B3GAT2: variants seen among roughly 807,000 people sequenced by gnomAD.
B3GAT2 encodes galactosylgalactosylxylosylprotein 3-beta-glucuronosyltransferase 2.
In B3GAT2, 26 loss-of-function variants were observed where a neutral mutation model predicts 27.8. The ratio of observed to expected loss-of-function variants is 0.93; its 90% CI spans 0.68 to 1.30. The LOEUF is 1.30. Ranked by LOEUF, B3GAT2 falls within the 50% of genes most tolerant of loss-of-function variation. The pLI, the probability that B3GAT2 is intolerant of heterozygous loss-of-function variation, is 0.00. For missense variants in B3GAT2, 458 were observed against 459.0 expected (o/e 1.00, Z 0.02); for synonymous variants, 218 against 195.1 (o/e 1.12, Z -0.98).
At chr6:70,910,215 T>C (rs1304634602) in intron 1 of B3GAT2, among the ~76,000 whole-genome samples, 1 of 152,162 alleles carries the variant, frequency 6.6e-6, no homozygotes. Flanking sequence ...CAGGGGTCCA[T>C]GTGCAGGTTT....
intron 2 of B3GAT2, among the ~76,000 whole-genome samples, chr6:70,890,731 G>A (rs1180918145): frequency 6.6e-6 from 1 of 152,160 alleles, no homozygotes; most frequent in African/African-American, 2.4e-5. Flanking sequence ...CCTCTAACCT[G>A]TGGGGTCTGC....
At chr6:70,884,381 T>C (rs968846643) in intron 2 of B3GAT2, among the ~76,000 whole-genome samples, 1 of 152,174 alleles carries the variant, frequency 6.6e-6, no homozygotes, top group Admixed American at 6.5e-5. Flanking sequence ...TGATAATCCT[T>C]ACACTAGAAA....
chr6:70,956,640 G>C lies in B3GAT2; in HGVS notation c.-211C>G, dbSNP rs1562241127. ...GTTCGCGCAAGCTAGAGCGACAAGG[G>C]GTGCAGGCGGGCGGGCAGGGGCTGC... is the stretch of plus-strand genomic sequence containing the variant. On this transcript the variant is annotated 5_prime_UTR_variant, in exon 1 of 4. Transcript: ENST00000230053. The C allele has an allele frequency of 7.1e-7, 1 of 1,414,308 alleles. No individual in the cohort carries two copies. Among genetic ancestry groups the C allele is most frequent in the East Asian group, 2.7e-5 (1 of 37,028 alleles). 87.6% of individuals were successfully genotyped at this position (1,414,308 alleles called of 1,614,324 possible).
At position 70,858,066 on chromosome 6, in the gene B3GAT2, G is replaced by A. The variant is rs568782012; in HGVS notation, c.*3597C>T. 1.2e-6 allele frequency: 2 copies of A among 1,614,052 alleles called. No individual in the cohort carries two copies. Among genetic ancestry groups the A allele is most frequent in the African/African-American group, 2.7e-5 (2 of 75,024 alleles). On this transcript the variant is annotated 3_prime_UTR_variant, in exon 4 of 4. Coordinates refer to ENST00000230053, the MANE Select transcript of B3GAT2 (RefSeq NM_080742.3). ...GGACAGAGTCCAAGCATGATGGTGG[G>A]CATGCCCATGCCCAATGGGTTTATG... is the stretch of plus-strand genomic sequence containing the variant.
At position 70,859,533 on chromosome 6, in the gene B3GAT2, T is replaced by TCTAA. The variant is rs768662895; in HGVS notation, c.*2126_*2129dup. 1.5e-4 allele frequency: 99 copies of TCTAA among 645,882 alleles called. No homozygotes were observed. Among genetic ancestry groups the TCTAA allele is most frequent in the Non-Finnish European group, 1.7e-4 (67 of 393,852 alleles). 40.0% of individuals were successfully genotyped at this position (645,882 alleles called of 1,614,324 possible). ...CAAATGTATTAAATTAAGAACACAG[T>TCTAA]CTAACTCTGAGTGTAAGTTTTAAAC... On this transcript the variant is annotated 3_prime_UTR_variant, in exon 4 of 4. Coordinates refer to ENST00000230053, the MANE Select transcript of B3GAT2 (RefSeq NM_080742.3).
At chr6:70,937,665 C>T (rs572362443) in intron 1 of B3GAT2, among the ~76,000 whole-genome samples, 160 of 151,766 alleles carry the variant, frequency 1.1e-3, no homozygotes, top group Non-Finnish European at 1.2e-3. Flanking sequence ...ATGATTATCT[C>T]AATAGATGCA....
chr6:70,892,800 T>C (rs955296518), intron 2 of B3GAT2, among the ~76,000 whole-genome samples: 1 of 152,200 alleles, frequency 6.6e-6, no homozygotes. Flanking sequence ...CTATGCCCCA[T>C]GTTTTCAGGG....
chr6:70,893,586 TAA>T (rs899269726), intron 2 of B3GAT2, among the ~76,000 whole-genome samples: 1 of 152,138 alleles, frequency 6.6e-6, no homozygotes, highest in African/African-American at 2.4e-5. Context: ...ATAAAAACTT[TAA>T]GACAGTTATA....
At chr6:70,886,297 A>C (rs923274262) in intron 2 of B3GAT2, among the ~76,000 whole-genome samples, 1 of 152,176 alleles carries the variant, frequency 6.6e-6, no homozygotes, top group African/African-American at 2.4e-5. Flanking sequence ...GGGATAATAA[A>C]ACTAGCATAT....
In B3GAT2 at chr6:70,859,367, C is replaced by T. The variant is rs953080074; in HGVS notation, c.*2296G>A. 2.1e-5 allele frequency: 33 copies of T among 1,549,494 alleles called. No individual in the cohort carries two copies. The highest frequency in any genetic ancestry group is 2.9e-5 in the Non-Finnish European group (33 of 1,146,488). On this transcript the variant is annotated 3_prime_UTR_variant, in exon 4 of 4. Coordinates refer to ENST00000230053, the MANE Select transcript of B3GAT2 (RefSeq NM_080742.3). Reference sequence around the variant, plus strand: ...GTGATGCTGTTCTCCAGCACTCCATCAGTGCAATCTACTGGCCAATGACAA... The same window carrying T: ...GTGATGCTGTTCTCCAGCACTCCATTAGTGCAATCTACTGGCCAATGACAA...
In B3GAT2 at chr6:70,956,789, C is replaced by A; in HGVS notation, c.-360G>T. 1.8e-6 allele frequency: 2 copies of A among 1,103,690 alleles called. No individual in the cohort carries two copies. Among genetic ancestry groups the A allele is most frequent in the Non-Finnish European group, 2.2e-6 (2 of 905,376 alleles). The allele number at this position is 1,103,690 out of a possible 1,614,324, so 68.4% of individuals were successfully genotyped here. On this transcript the variant is annotated 5_prime_UTR_variant, in exon 1 of 4. Transcript: ENST00000230053. The stretch of plus-strand genomic sequence containing the variant: ...CCGCGCTCTTTCTGAAGAGTGGAAG[C>A]CGAGAAGCGGCACCCGGTGCGCCTC...
rs989368206 is a variant in B3GAT2, at chr6:70,935,129, G to GA, written c.591+20709dup. ...AAAATTCTGAGGAGGAATGAAGATA[G>GA]AAAAAAAAAAGAGCAATATAAAATA... is the stretch of plus-strand genomic sequence containing the variant. On this transcript the variant is annotated intron_variant, in intron 1 of 3. Coordinates refer to ENST00000230053, the MANE Select transcript of B3GAT2 (RefSeq NM_080742.3). Among the ~76,000 whole-genome samples the GA allele has an allele frequency of 3.4e-3, 497 of 147,170 alleles. 6 individuals are homozygous for GA. The highest frequency in any genetic ancestry group is 0.014 in the Admixed American group (205 of 14,714).
At position 70,858,108 on chromosome 6, in the gene B3GAT2, G is replaced by A; in HGVS notation, c.*3555C>T. On this transcript the variant is annotated 3_prime_UTR_variant, in exon 4 of 4. Transcript: ENST00000230053. ...GGGTTTATGGGAAATGCACAAACTGGTGTGATGCCACTTCCTCAGAACGTT... is the reference window on the plus strand; with the variant it reads ...GGGTTTATGGGAAATGCACAAACTGATGTGATGCCACTTCCTCAGAACGTT... The A allele has an allele frequency of 2.5e-6, 4 of 1,614,050 alleles. No homozygotes were observed. The highest frequency in any genetic ancestry group is 1.7e-6 in the Non-Finnish European group (2 of 1,179,994).
rs575008239 is a variant in B3GAT2 at position 70,861,991 on chromosome 6, TAAAA to T, written c.737-17_737-14del. On this transcript the variant is annotated splice_polypyrimidine_tract_variant and intron_variant, in intron 2 of 3. Coordinates refer to ENST00000230053, the MANE Select transcript of B3GAT2 (RefSeq NM_080742.3). ...CTTACAGCAAATCCTTTGTGAAAAATAAAAAAAAAAAAGAGACTTTAAAATCCTG... is the reference window on the plus strand; with the variant it reads ...CTTACAGCAAATCCTTTGTGAAAAATAAAAAAAAGAGACTTTAAAATCCTG... 2.1e-4 allele frequency: 255 copies of T among 1,222,922 alleles called. No individual in the cohort carries two copies. The highest frequency in any genetic ancestry group is 2.7e-4 in the Non-Finnish European group (239 of 901,668). 75.8% of individuals were successfully genotyped at this position (1,222,922 alleles called of 1,614,324 possible). A position where few individuals can be genotyped will look rare whatever the true frequency, so the allele number is the denominator to read the frequency against.
intron 1 of B3GAT2, among the ~76,000 whole-genome samples, chr6:70,913,519 T>C (rs1772721038): frequency 6.6e-6 from 1 of 152,230 alleles, no homozygotes; most frequent in African/African-American, 2.4e-5. Context: ...TTTTGAATGA[T>C]CTTCTTGGGG....
rs1233431616 is a variant in B3GAT2 at position 70,857,765 on chromosome 6, G to C, written c.*3898C>G. The C allele has an allele frequency of 7.6e-6, 5 of 660,918 alleles. No homozygotes were observed. Among genetic ancestry groups the C allele is most frequent in the South Asian group, 5.9e-5 (3 of 51,192 alleles). The allele number at this position is 660,918 out of a possible 1,614,324, so 40.9% of individuals were successfully genotyped here. A position where few individuals can be genotyped will look rare whatever the true frequency, so the allele number is the denominator to read the frequency against. ...ATCCTAGAAACAACCAGCTCTCAGG[G>C]TTTAGGTGTGGGTTGGTCTGAGTAG... On this transcript the variant is annotated 3_prime_UTR_variant, in exon 4 of 4. Coordinates refer to ENST00000230053, the MANE Select transcript of B3GAT2 (RefSeq NM_080742.3).
intron 1 of B3GAT2, among the ~76,000 whole-genome samples, chr6:70,907,714 G>A (rs1295873138): frequency 6.6e-6 from 1 of 152,158 alleles, no homozygotes; most frequent in Non-Finnish European, 1.5e-5. Flanking sequence ...CTCTTCCCTT[G>A]CAGGGGTGAC....
chr6:70,949,297 A>T (rs1407501666), intron 1 of B3GAT2, among the ~76,000 whole-genome samples: 2 of 152,182 alleles, frequency 1.3e-5, no homozygotes, highest in African/African-American at 4.8e-5. Flanking sequence ...TATTTTCGCA[A>T]CCTACTCATC....
chr6:70,947,558 A>G (rs1765511927), intron 1 of B3GAT2, among the ~76,000 whole-genome samples: 1 of 151,984 alleles, frequency 6.6e-6, no homozygotes, highest in South Asian at 2.1e-4. Context: ...GAATAGACCA[A>G]TAACAGGCTC....
Sources: gnomAD v4.1 joint callset for allele counts (sites outside exome capture counted in the v4.1 genomes callset) on GRCh38, gnomAD v4.1.1 for gene constraint, MANE v1.5 for transcripts, NCBI Gene and HGNC (gene_info 2026-07-23, HGNC 2026-07-21) for gene names.